KCTD9: variants seen among roughly 807,000 people sequenced by gnomAD.
The protein encoded by KCTD9 is potassium channel tetramerization domain containing 9.
Under a neutral mutation model 53.3 loss-of-function variants are expected in KCTD9, and 17 were observed. The ratio of observed to expected loss-of-function variants is 0.32; its 90% CI spans 0.22 to 0.48. KCTD9 has a LOEUF of 0.48. Ranked by LOEUF, KCTD9 falls within the 20% of genes least tolerant of loss-of-function variation. The pLI, the probability that KCTD9 is intolerant of heterozygous loss-of-function variation, is 0.99. For missense variants in KCTD9, 179 were observed against 465.5 expected, an observed-to-expected ratio of 0.38 and a Z score of 5.66; for synonymous variants, 128 against 162.7, an observed-to-expected ratio of 0.79 and a Z score of 1.62.
At chr8:25,449,330 G>T (rs986357396) in intron 1 of KCTD9, among the ~76,000 whole-genome samples, 1 of 152,130 alleles carries the variant, frequency 6.6e-6, no homozygotes, top group Non-Finnish European at 1.5e-5. Flanking sequence ...TTACATCTCA[G>T]TATGGCTTTC....
chr8:25,434,380 C>T (rs1229175701), intron 9 of KCTD9, among the ~76,000 whole-genome samples: 2 of 152,180 alleles, frequency 1.3e-5, no homozygotes, highest in Admixed American at 1.3e-4. Flanking sequence ...GCATGATCCA[C>T]CACACGCAGC....
At chr8:25,430,759 G>A (rs898024041) in intron 11 of KCTD9, among the ~76,000 whole-genome samples, 1 of 151,458 alleles carries the variant, frequency 6.6e-6, no homozygotes, top group Non-Finnish European at 1.5e-5. Flanking sequence ...GTGCCAAAAA[G>A]GTTGGGGACC....
intron 3 of KCTD9, among the ~76,000 whole-genome samples, chr8:25,443,690 G>A (rs1356023549): frequency 1.3e-5 from 2 of 152,156 alleles, no homozygotes; most frequent in African/African-American, 2.4e-5. Flanking sequence ...CTCACCAAAT[G>A]CAATTAGTAT....
intron 1 of KCTD9, 24 bp from the exon 2 acceptor site, chr8:25,446,274 G>T: frequency 1.2e-6 from 2 of 1,610,726 alleles, no homozygotes; most frequent in South Asian, 2.2e-5. Context: ...AGAATAATAT[G>T]AACAATTTCT....
chr8:25,435,826 TTTAAA>T lies in KCTD9; in HGVS notation c.664-319_664-315del, dbSNP rs199691398. Among the ~76,000 whole-genome samples, 966 of 152,296 alleles carry T rather than the reference TTTAAA, an allele frequency of 6.3e-3. 4 individuals are homozygous for T. Among genetic ancestry groups the T allele is most frequent in the Non-Finnish European group, 9.1e-3 (620 of 68,020 alleles). On this transcript the variant is annotated intron_variant, in intron 8 of 11. Transcript: ENST00000221200. ...TAATAAGTATTTAAACCTAATTATA[TTTAAA>T]TTATTTTATTAATTCAGTAATTCAA...
chr8:25,452,840 A>G (rs1006345601), intron 1 of KCTD9, among the ~76,000 whole-genome samples: 17 of 152,226 alleles, frequency 1.1e-4, no homozygotes, highest in African/African-American at 4.1e-4. Flanking sequence ...TATGTCAGAT[A>G]TTATGGTTGG....
intron 1 of KCTD9, among the ~76,000 whole-genome samples, chr8:25,449,698 T>C (rs368464821): frequency 9.2e-5 from 14 of 152,226 alleles, no homozygotes; most frequent in African/African-American, 3.4e-4. Context: ...TAAAATGCAG[T>C]TCAGTCACAC....
intron 1 of KCTD9, among the ~76,000 whole-genome samples, chr8:25,455,655 T>C (rs948081090): frequency 1.3e-5 from 2 of 152,214 alleles, no homozygotes; most frequent in African/African-American, 4.8e-5. Flanking sequence ...ACTTGGCATT[T>C]TGGTGAGGGT....
rs1802178011 is a variant in KCTD9 at position 25,444,411 on chromosome 8, AT to A, written c.171-77del. 9.1e-6 allele frequency: 12 copies of A among 1,318,168 alleles called. No individual in the cohort carries two copies. The South Asian group carries it at 1.5e-4, about 17-fold the overall frequency. The allele number at this position is 1,318,168 out of a possible 1,614,324, so 81.7% of individuals were successfully genotyped here. Reference sequence around the variant, plus strand: ...TAATTATCTGTTGCTTATAGGAACTATTCCTTACAATTATATAGACAATAGG... The same window carrying A: ...TAATTATCTGTTGCTTATAGGAACTATCCTTACAATTATATAGACAATAGG... On this transcript the variant is annotated intron_variant, in intron 2 of 11. Transcript: ENST00000221200.
intron 1 of KCTD9, among the ~76,000 whole-genome samples, chr8:25,448,767 T>A (rs1429065563): frequency 6.6e-6 from 1 of 151,640 alleles, no homozygotes; most frequent in Non-Finnish European, 1.5e-5. Flanking sequence ...TACAAAAAAT[T>A]AGCCGGGCGT....
chr8:25,434,480 C>A (rs1388987899), intron 9 of KCTD9, among the ~76,000 whole-genome samples: 1 of 151,964 alleles, frequency 6.6e-6, no homozygotes, highest in African/African-American at 2.4e-5. Flanking sequence ...AGATGCCTCT[C>A]GACATTTCAC....
At chr8:25,444,245 T>G (rs1264212800) in intron 3 of KCTD9, 47 bp downstream of exon 3, 3 of 1,166,626 alleles carry the variant, frequency 2.6e-6, no homozygotes, top group Non-Finnish European at 3.5e-6. Flanking sequence ...CATTCCATCT[T>G]TTTTTTTTTT....
At chr8:25,456,799 T>A (rs1802444342) in intron 1 of KCTD9, among the ~76,000 whole-genome samples, 1 of 152,208 alleles carries the variant, frequency 6.6e-6, no homozygotes, top group Non-Finnish European at 1.5e-5. Flanking sequence ...CAAAAATATT[T>A]ATGACTAGGT....
intron 11 of KCTD9, among the ~76,000 whole-genome samples, chr8:25,430,245 C>T (rs779689274): frequency 6.6e-6 from 1 of 151,972 alleles, no homozygotes; most frequent in Non-Finnish European, 1.5e-5. Context: ...TATAAGGAGA[C>T]ATTGAAAACA....
chr8:25,437,481 C>G (rs563911393), intron 6 of KCTD9, among the ~76,000 whole-genome samples: 1 of 152,140 alleles, frequency 6.6e-6, no homozygotes, highest in Admixed American at 6.5e-5. Flanking sequence ...TCGAGACCAG[C>G]CTGGCCAACA....
At chr8:25,435,307 G>C in intron 9 of KCTD9, 56 bp downstream of exon 9, 1 of 1,256,600 alleles carries the variant, frequency 8.0e-7, no homozygotes, top group East Asian at 2.7e-5. Flanking sequence ...GGCTCTTTGA[G>C]ACTGTTCAAT....
intron 1 of KCTD9, among the ~76,000 whole-genome samples, chr8:25,447,484 T>C (rs1802235791): frequency 2.0e-5 from 3 of 152,206 alleles, no homozygotes; most frequent in African/African-American, 7.2e-5. Context: ...CAAGATGCCA[T>C]ATGAAGTGAG....
intron 1 of KCTD9, 141 bp from the exon 2 acceptor site, chr8:25,446,391 T>C (rs1802214442): frequency 5.5e-6 from 5 of 902,108 alleles, no homozygotes; most frequent in Middle Eastern, 2.3e-4. Context: ...GTGCCCCCTT[T>C]TCTTCCATGA....
intron 1 of KCTD9, 33 bp downstream of exon 1, chr8:25,458,166 C>A (rs753149503): frequency 7.8e-6 from 12 of 1,540,854 alleles, no homozygotes; most frequent in Non-Finnish European, 1.1e-5. Context: ...GCCCCGACCC[C>A]CGGCCCGCCG....
Sources: gnomAD v4.1 joint callset for allele counts (sites outside exome capture counted in the v4.1 genomes callset) on GRCh38, gnomAD v4.1.1 for gene constraint, MANE v1.5 for transcripts, NCBI Gene and HGNC (gene_info 2026-07-23, HGNC 2026-07-21) for gene names.